Variants in PGPEP1L observed in about 807,000 individuals in gnomAD.
PGPEP1L encodes the protein pyroglutamyl-peptidase I like.
A neutral mutation model predicts 6.0 loss-of-function variants in PGPEP1L; 7 were observed. The observed-to-expected ratio is 1.17, with a 90% CI of 0.66 to 2.19. The LOEUF (loss-of-function observed/expected upper bound fraction) is 2.19. Among genes scored for constraint, PGPEP1L ranks in the 30% most tolerant of loss-of-function variants. The pLI is 0.00. For synonymous variants in PGPEP1L, 103 were observed against 83.9 expected, an observed-to-expected ratio of 1.23 and a Z score of -1.24; for missense variants, 209 against 192.5, an observed-to-expected ratio of 1.09 and a Z score of -0.51.
Position 98,968,663 on chromosome 15 carries a change from G to T in PGPEP1L, c.244C>A (p.His82Asn). The part of the protein sequence containing the change: ...VCDYTYYLSL[H>N]HGKGCAALIH... ...AGTGCCGCGCAGCCCTTTCCATGAT[G>T]CAGAGACAGGTAATAGGTATAATCA... Residue 82 changes from histidine (H) to asparagine (N), a missense_variant, in exon 5 of 5, where the codon CAT (histidine) becomes AAT (asparagine). Coordinates refer to ENST00000535714, the MANE Select transcript of PGPEP1L (RefSeq NM_001167902.2). 1 of 1,586,132 alleles carries T rather than the reference G, an allele frequency of 6.3e-7. No homozygotes were observed. Among genetic ancestry groups the T allele is most frequent in the Non-Finnish European group, 8.6e-7 (1 of 1,165,704 alleles).
At position 98,968,518 on chromosome 15, in the gene PGPEP1L, T is replaced by C; in HGVS notation, c.389A>G (p.Glu130Gly). Residue 130 changes from glutamate (E) to glycine (G), a missense_variant, in exon 5 of 5, where the codon GAA becomes GGA. By Grantham distance (98) the Glu-to-Gly change is moderately conservative. Coordinates refer to ENST00000535714, the MANE Select transcript of PGPEP1L (RefSeq NM_001167902.2). ...VGKPKHRAQF[E>G]ENSTMVLPAK... is the part of the protein sequence containing the mutation. Reference sequence around the variant, plus strand: ...TGGAAGGACCATGGTTGAGTTTTCTTCGAACTGGGCTCTGTGCTTGGGCTT... The same window carrying C: ...TGGAAGGACCATGGTTGAGTTTTCTCCGAACTGGGCTCTGTGCTTGGGCTT... The C allele has an allele frequency of 6.2e-7, 1 of 1,613,736 alleles. No individual in the cohort carries two copies. Among genetic ancestry groups the C allele is most frequent in the Non-Finnish European group, 8.5e-7 (1 of 1,179,842 alleles).
intron 2 of PGPEP1L, chr15:98,997,962 C>G (rs1203274617): frequency 6.6e-6 from 1 of 152,362 alleles, no homozygotes; most frequent in East Asian, 1.9e-4. Flanking sequence ...CAAAGACAAG[C>G]TGTTCTCCCA....
chr15:98,971,064 GT>G lies in PGPEP1L; in HGVS notation c.-48del, dbSNP rs761247183. On this transcript the variant is annotated 5_prime_UTR_variant, in exon 3 of 5. Transcript: ENST00000535714. Reference sequence around the variant, plus strand: ...CGGCTGATGATCTTCCCAGATTCCGGTGACCCTCCGCTTAGCCTCCCTGTAA... The same window carrying G: ...CGGCTGATGATCTTCCCAGATTCCGGGACCCTCCGCTTAGCCTCCCTGTAA... 44 of 1,613,608 alleles carry G rather than the reference GT, an allele frequency of 2.7e-5. No individual in the cohort carries two copies. Among genetic ancestry groups the G allele is most frequent in the Non-Finnish European group, 7.6e-6 (9 of 1,179,830 alleles).
chr15:98,977,696 G>T (rs2017590426), intron 2 of PGPEP1L, among the ~76,000 whole-genome samples: 1 of 152,202 alleles, frequency 6.6e-6, no homozygotes, highest in African/African-American at 2.4e-5. Flanking sequence ...GGTCTGGTAG[G>T]TTGGTAGTGT....
At chr15:98,982,430 C>T (rs1380697110) in intron 2 of PGPEP1L, among the ~76,000 whole-genome samples, 1 of 152,204 alleles carries the variant, frequency 6.6e-6, no homozygotes, top group Non-Finnish European at 1.5e-5. Flanking sequence ...CCAGAGTGAA[C>T]TGTGTATCAC....
At chr15:99,003,937 G>A (rs1555473322) in intron 2 of PGPEP1L, among the ~76,000 whole-genome samples, 1 of 148,296 alleles carries the variant, frequency 6.7e-6, no homozygotes, top group African/African-American at 2.6e-5. Flanking sequence ...ACAAATAAGA[G>A]CAAGGGAGAT....
chr15:98,984,404 C>T (rs756507212), intron 2 of PGPEP1L, among the ~76,000 whole-genome samples: 37 of 152,172 alleles, frequency 2.4e-4, no homozygotes, highest in Admixed American at 1.4e-3. Flanking sequence ...GAAAAGAAAA[C>T]TATTCATTCA....
At chr15:98,978,914 G>C (rs908405759) in intron 2 of PGPEP1L, among the ~76,000 whole-genome samples, 1 of 151,700 alleles carries the variant, frequency 6.6e-6, no homozygotes, top group Non-Finnish European at 1.5e-5. Context: ...GTTTTTAGTA[G>C]AGATGGGGTT....
At chr15:99,002,255 CA>C (rs777801230) in intron 2 of PGPEP1L, among the ~76,000 whole-genome samples, 76 of 152,288 alleles carry the variant, frequency 5.0e-4, no homozygotes, top group Admixed American at 2.4e-3. Flanking sequence ...CTCAACCTCC[CA>C]AAGTGCTGGG....
Position 98,968,230 on chromosome 15 carries a change from G to A in PGPEP1L, c.*248C>T, listed in dbSNP as rs371834989. The A allele has an allele frequency of 7.8e-5, 36 of 460,666 alleles. No individual in the cohort carries two copies. The East Asian group carries it at 1.0e-3, about 13-fold the overall frequency. The allele number at this position is 460,666 out of a possible 1,614,324, so 28.5% of individuals were successfully genotyped here. On this transcript the variant is annotated 3_prime_UTR_variant, in exon 5 of 5. Transcript: ENST00000535714. ...TGTAGATTTTTGGAAGAAAACAGAT[G>A]ACTCGGATTTCATTTTATTGTCATG... is the stretch of plus-strand genomic sequence containing the variant.
intron 2 of PGPEP1L, among the ~76,000 whole-genome samples, chr15:98,989,521 T>A (rs1021043552): frequency 3.3e-5 from 5 of 152,114 alleles, no homozygotes; most frequent in Non-Finnish European, 7.4e-5. Flanking sequence ...ACCTGAAAAG[T>A]GACAGGGAGA....
chr15:98,993,870 A>C (rs1352427799), intron 2 of PGPEP1L, among the ~76,000 whole-genome samples: 1 of 152,154 alleles, frequency 6.6e-6, no homozygotes, highest in Admixed American at 6.5e-5. Flanking sequence ...GAAAAAACAA[A>C]ACAACAAAAA....
intron 2 of PGPEP1L, among the ~76,000 whole-genome samples, chr15:98,999,625 C>T (rs1241505736): frequency 6.6e-6 from 1 of 152,094 alleles, no homozygotes. Flanking sequence ...TATACAAAAA[C>T]GTTCATAGAA....
chr15:98,982,021 C>T (rs1375011583), intron 2 of PGPEP1L, among the ~76,000 whole-genome samples: 3 of 152,156 alleles, frequency 2.0e-5, no homozygotes, highest in Non-Finnish European at 4.4e-5. Flanking sequence ...GTCTTCCTGT[C>T]AACGTGGGAA....
intron 2 of PGPEP1L, among the ~76,000 whole-genome samples, chr15:98,994,821 G>C (rs533165033): frequency 1.5e-3 from 224 of 152,186 alleles, no homozygotes; most frequent in African/African-American, 4.9e-3. Flanking sequence ...TCATGTTTTT[G>C]AAACAATTTT....
rs746291950 is a variant in PGPEP1L, at chr15:98,968,699, T to C, written c.210-2A>G. ...TAATAGGTATAATCACAGACGTATC[T>C]GCAACCACAGGAAATGCCACATTAA... On this transcript the variant is annotated splice_acceptor_variant, in intron 4 of 4. Transcript: ENST00000535714. LOFTEE classifies it high-confidence loss of function. 3 of 1,558,924 alleles carry C rather than the reference T, an allele frequency of 1.9e-6. 1 individual carries two copies. The South Asian group carries it at 3.5e-5, about 18-fold the overall frequency.
chr15:99,000,796 C>T (rs1004422035), intron 2 of PGPEP1L, among the ~76,000 whole-genome samples: 3 of 151,998 alleles, frequency 2.0e-5, no homozygotes, highest in Non-Finnish European at 4.4e-5. Context: ...GTGGGTGGGG[C>T]CAGATAAGAG....
chr15:98,974,477 G>A (rs2017540894), intron 2 of PGPEP1L, among the ~76,000 whole-genome samples: 1 of 152,144 alleles, frequency 6.6e-6, no homozygotes, highest in Non-Finnish European at 1.5e-5. Flanking sequence ...GATCAATAAT[G>A]AGTAACAGAT....
chr15:98,976,117 C>A (rs1224192233), intron 2 of PGPEP1L, among the ~76,000 whole-genome samples: 1 of 151,708 alleles, frequency 6.6e-6, no homozygotes, highest in African/African-American at 2.4e-5. Flanking sequence ...TAGTGTGGGA[C>A]AATGGAAAGT....
Sources: gnomAD v4.1 joint callset for allele counts (sites outside exome capture counted in the v4.1 genomes callset) on GRCh38, gnomAD v4.1.1 for gene constraint, MANE v1.5 for transcripts, NCBI Gene and HGNC (gene_info 2026-07-23, HGNC 2026-07-21) for gene names.